INSL6: variants seen among roughly 807,000 people sequenced by gnomAD.
INSL6 encodes insulin like 6, also known as insulin-like peptide INSL6.
Under a neutral mutation model 9.4 loss-of-function variants are expected in INSL6, and 16 were observed. That is an observed-to-expected ratio of 1.70 (90% confidence interval 1.15 to 2.59). The LOEUF (loss-of-function observed/expected upper bound fraction) is 2.59, where lower values mean the gene tolerates loss of function less well. Ranked by LOEUF, INSL6 falls within the 30% of genes most tolerant of loss-of-function variation. The probability of loss-of-function intolerance (pLI) is 0.00; values close to 1 mark genes in which losing one functional copy is unlikely to be tolerated. For synonymous variants in INSL6, 154 were observed against 96.9 expected (o/e 1.59, Z -3.46); for missense variants, 391 against 257.3 (o/e 1.52, Z -3.56).
intron 1 of INSL6, among the ~76,000 whole-genome samples, chr9:5,181,364 C>G (rs955920804): frequency 6.6e-6 from 1 of 151,872 alleles, no homozygotes; most frequent in African/African-American, 2.4e-5. Context: ...ATAGAAAGCT[C>G]AAACTTATCA....
chr9:5,114,593 G>A, the INSL6 span: 7 of 491,170 alleles, frequency 1.4e-5, no homozygotes, highest in East Asian at 2.2e-4. Flanking sequence ...ACATCTTGGT[G>A]CAGTGGCTGT....
intron 1 of INSL6, among the ~76,000 whole-genome samples, chr9:5,183,462 A>C (rs1244206023): frequency 6.6e-6 from 1 of 152,240 alleles, no homozygotes; most frequent in Non-Finnish European, 1.5e-5. Flanking sequence ...TATTAATGAC[A>C]TTTATTCTTC....
At chr9:5,130,530 GA>G (rs914801394) in intron 3 of INSL6, among the ~76,000 whole-genome samples, 7 of 152,024 alleles carry the variant, frequency 4.6e-5, no homozygotes, top group Non-Finnish European at 1.0e-4. Flanking sequence ...GTGTGAAATG[GA>G]AAAATCTGTT....
At chr9:5,046,933 G>A in the INSL6 span, among the ~76,000 whole-genome samples, 1 of 152,014 alleles carries the variant, frequency 6.6e-6, no homozygotes, top group Non-Finnish European at 1.5e-5. Flanking sequence ...TATTCATTCA[G>A]CTACTTTAGC....
the INSL6 span, among the ~76,000 whole-genome samples, chr9:5,059,534 A>T: frequency 6.6e-6 from 1 of 152,036 alleles, no homozygotes; most frequent in Non-Finnish European, 1.5e-5. Context: ...TCTTATACAT[A>T]TTTTTTGGTG....
chr9:5,072,549 G>T, the INSL6 span: 3 of 1,610,474 alleles, frequency 1.9e-6, no homozygotes, highest in South Asian at 1.1e-5. Flanking sequence ...ACGAAGAGAA[G>T]TAGGAGACTA....
At chr9:5,102,171 A>G in the INSL6 span, among the ~76,000 whole-genome samples, 284 of 152,300 alleles carry the variant, frequency 1.9e-3, no homozygotes, top group Non-Finnish European at 3.0e-3. Flanking sequence ...GCTAACTACA[A>G]TAAACAGTGT....
At chr9:5,067,494 A>C in the INSL6 span, among the ~76,000 whole-genome samples, 1 of 152,110 alleles carries the variant, frequency 6.6e-6, no homozygotes, top group Non-Finnish European at 1.5e-5. Context: ...TTTTTATAAA[A>C]TGCAACTTAT....
chr9:5,085,764 C>T, the INSL6 span: 2 of 754,176 alleles, frequency 2.7e-6, no homozygotes, highest in Admixed American at 1.7e-5. Context: ...TTGCACATGT[C>T]GGGAGTTATT....
the INSL6 span, among the ~76,000 whole-genome samples, chr9:5,035,641 TATC>T: frequency 4.6e-5 from 7 of 152,124 alleles, no homozygotes; most frequent in Non-Finnish European, 1.5e-5. Context: ...ACCATATGAT[TATC>T]TCAGAGGCAG....
At chr9:4,992,963 C>G in the INSL6 span, among the ~76,000 whole-genome samples, 3 of 152,174 alleles carry the variant, frequency 2.0e-5, no homozygotes, top group African/African-American at 7.2e-5. Context: ...ATCTCCCCCA[C>G]CCCTGCACCC....
intron 2 of INSL6, among the ~76,000 whole-genome samples, chr9:5,137,186 T>C (rs995432702): frequency 2.0e-5 from 3 of 152,112 alleles, no homozygotes; most frequent in African/African-American, 7.2e-5. Context: ...AAAATGGCCA[T>C]ACTGCCCAAA....
chr9:5,081,258 T>A, the INSL6 span, among the ~76,000 whole-genome samples: 8 of 93,242 alleles, frequency 8.6e-5, no homozygotes, highest in African/African-American at 6.0e-4. Context: ...TAAATTATAG[T>A]ATTTTTTTTT....
At chr9:5,085,267 G>C in the INSL6 span, 1 of 688,834 alleles carries the variant, frequency 1.5e-6, no homozygotes, top group Admixed American at 1.8e-5. Context: ...ATTCACATCA[G>C]CTGATGTTGG....
the INSL6 span, among the ~76,000 whole-genome samples, chr9:5,008,165 T>G: frequency 4.6e-5 from 7 of 152,228 alleles, no homozygotes; most frequent in Non-Finnish European, 1.0e-4. Context: ...ATATAAATTT[T>G]TTATAGTCTA....
At chr9:5,062,313 A>G in the INSL6 span, among the ~76,000 whole-genome samples, 1 of 151,960 alleles carries the variant, frequency 6.6e-6, no homozygotes, top group East Asian at 1.9e-4. Flanking sequence ...CTGAGGGACA[A>G]CTGTACAATA....
the INSL6 span, among the ~76,000 whole-genome samples, chr9:5,027,718 T>C: frequency 1.3e-5 from 2 of 152,236 alleles, no homozygotes; most frequent in Non-Finnish European, 2.9e-5. Flanking sequence ...ATAAATCCTT[T>C]GTTGTCATTT....
the INSL6 span, among the ~76,000 whole-genome samples, chr9:5,009,568 C>T: frequency 1.1e-4 from 16 of 152,152 alleles, no homozygotes; most frequent in African/African-American, 3.6e-4. Context: ...AAGTTATCTT[C>T]CCTGCATTAT....
the INSL6 span, among the ~76,000 whole-genome samples, chr9:5,053,048 T>G: frequency 3.9e-5 from 6 of 152,222 alleles, no homozygotes; most frequent in African/African-American, 1.4e-4. Context: ...GGTAACTGTT[T>G]AACTTTTTGA....
Sources: gnomAD v4.1 joint callset for allele counts (sites outside exome capture counted in the v4.1 genomes callset) on GRCh38, gnomAD v4.1.1 for gene constraint, MANE v1.5 for transcripts, NCBI Gene and HGNC (gene_info 2026-07-23, HGNC 2026-07-21) for gene names.